RP1: variants seen among roughly 807,000 people sequenced by gnomAD.
The protein encoded by RP1 is RP1 axonemal microtubule associated.
Under a neutral mutation model 14.8 loss-of-function variants are expected in RP1, and 16 were observed. That is an observed-to-expected ratio of 1.08 (90% CI 0.73 to 1.65). The LOEUF (loss-of-function observed/expected upper bound fraction) is 1.65, where lower values mean the gene tolerates loss of function less well. Ranked by LOEUF, RP1 falls within the 40% of genes most tolerant of loss-of-function variation. The pLI is 0.00. For missense variants in RP1, 2,631 were observed against 2,535.0 expected, an observed-to-expected ratio of 1.04 and a Z score of -0.81; for synonymous variants, 876 against 883.6, an observed-to-expected ratio of 0.99 and a Z score of 0.15.
intron 1 of RP1, among the ~76,000 whole-genome samples, chr8:54,587,087 C>G (rs1804947158): frequency 1.3e-5 from 2 of 152,216 alleles, no homozygotes; most frequent in South Asian, 4.1e-4. Flanking sequence ...CTGCGTTGCT[C>G]ATGCTGGGAG....
intron 3 of RP1, among the ~76,000 whole-genome samples, chr8:54,637,875 G>A (rs1425237671): frequency 6.6e-6 from 1 of 152,158 alleles, no homozygotes; most frequent in Non-Finnish European, 1.5e-5. Flanking sequence ...GACTCTGTCA[G>A]CATAAAAGTG....
chr8:54,830,887 C>A lies in RP1; in HGVS notation c.3616-6563C>A, dbSNP rs148548546. On this transcript the variant is annotated intron_variant, in intron 24 of 28. Coordinates refer to the RP1 transcript ENST00000637698. ...ATTCTCCCCTCCCTTTCAGAGCTGG[C>A]AACCAGTAATCTGTTTTCTGCCTCT... Among the ~76,000 whole-genome samples, 469 of 152,194 alleles carry A rather than the reference C, an allele frequency of 3.1e-3. 1 individual carries two copies. Among genetic ancestry groups the A allele is most frequent in the African/African-American group, 0.011 (438 of 41,542 alleles).
At position 54,869,823 on chromosome 8, in the gene RP1, T is replaced by C. The variant is rs565128572; in HGVS notation, c.4152-20T>C. On this transcript the variant is annotated intron_variant, in intron 28 of 28. Transcript: ENST00000637698. Reference sequence around the variant, plus strand: ...TCAATGCTCTCTCATATTAATTATCTTCTTTTTTTTGCATGGCAGATGGCT... The same window carrying C: ...TCAATGCTCTCTCATATTAATTATCCTCTTTTTTTTGCATGGCAGATGGCT... 23 of 1,109,220 alleles carry C rather than the reference T, an allele frequency of 2.1e-5. No homozygotes were observed. In the East Asian group the frequency reaches 6.1e-4, roughly 29 times the overall value. 68.7% of individuals were successfully genotyped at this position (1,109,220 alleles called of 1,614,324 possible). A position where few individuals can be genotyped will look rare whatever the true frequency, so the allele number is the denominator to read the frequency against.
In RP1 at chr8:54,630,100, A is replaced by G. The variant is rs1432883874; in HGVS notation, c.6218A>G (p.Asn2073Ser). The change falls in exon 4 of 4, where the codon AAT (asparagine) becomes AGT (serine). Residue 2073 changes from asparagine (N) to serine (S), a missense_variant. Physicochemically the swap from Asn to Ser is conservative, Grantham distance 46 (BLOSUM62 1). Coordinates refer to ENST00000220676, the MANE Select transcript of RP1 (RefSeq NM_006269.2). ...GTCGATGAGAATAACAACTTATTAA[A>G]TAACAGATTCCAGGGCTCAAGAACA... is the stretch of plus-strand genomic sequence containing the variant. The part of the protein sequence containing the change: ...KAVDENNNLL[N>S]NRFQGSRTNL... 2 of 1,613,862 alleles carry G rather than the reference A, an allele frequency of 1.2e-6. No homozygotes were observed. Among genetic ancestry groups the G allele is most frequent in the African/African-American group, 1.3e-5 (1 of 74,942 alleles).
intron 25 of RP1, among the ~76,000 whole-genome samples, chr8:54,841,667 G>A (rs774664907): frequency 1.3e-5 from 2 of 152,116 alleles, no homozygotes; most frequent in Non-Finnish European, 2.9e-5. Flanking sequence ...TTCACCATCC[G>A]CGGTGTTGGT....
intron 24 of RP1, among the ~76,000 whole-genome samples, chr8:54,798,138 T>C (rs759808655): frequency 1.5e-4 from 23 of 152,026 alleles, no homozygotes; most frequent in Non-Finnish European, 3.1e-4. Context: ...CTCAGCCTCC[T>C]GAGTAGCTGG....
chr8:54,627,441 G>T lies in RP1; in HGVS notation c.3559G>T (p.Val1187Leu). Reference protein sequence around the residue: ...DDLKAAVANLVESTTSHFGLS... With the variant: ...DDLKAAVANLLESTTSHFGLS... ...CTTGAAAGCTGCTGTTGCCAATTTA[G>T]TGGAGTCAACTACAAGCCACTTTGG... The change falls in exon 4 of 4, where the codon GTG becomes TTG. Residue 1187 changes from valine to leucine, a missense_variant. Physicochemically the swap from Val to Leu is conservative, Grantham distance 32. Coordinates refer to ENST00000220676, the MANE Select transcript of RP1 (RefSeq NM_006269.2). 6.2e-7 allele frequency: 1 copy of T among 1,614,154 alleles called. No homozygotes were observed. Among genetic ancestry groups the T allele is most frequent in the Non-Finnish European group, 8.5e-7 (1 of 1,179,992 alleles).
upstream of RP1, among the ~76,000 whole-genome samples, chr8:54,611,577 T>C (rs1159457618): frequency 6.6e-6 from 1 of 152,162 alleles, no homozygotes; most frequent in Non-Finnish European, 1.5e-5. Flanking sequence ...AATATTCTTA[T>C]TTTGTTCATA....
Position 54,629,598 on chromosome 8 carries a change from T to C in RP1, c.5716T>C (p.Ser1906Pro). ...MIHGTLQEADSLDKLYALCGQ... is the reference protein window; with the variant it reads ...MIHGTLQEADPLDKLYALCGQ... Reference sequence around the variant, plus strand: ...TCATGGTACACTTCAGGAAGCTGACTCTTTGGATAAACTGTATGCTCTTTG... The same window carrying C: ...TCATGGTACACTTCAGGAAGCTGACCCTTTGGATAAACTGTATGCTCTTTG... Residue 1906 changes from serine to proline, a missense_variant, in exon 4 of 4, where the codon TCT becomes CCT. Transcript: ENST00000220676. The C allele has an allele frequency of 1.9e-6, 3 of 1,614,022 alleles. No homozygotes were observed. Among genetic ancestry groups the C allele is most frequent in the Non-Finnish European group, 2.5e-6 (3 of 1,180,010 alleles).
chr8:54,733,346 A>G (rs1206088871), intron 17 of RP1, among the ~76,000 whole-genome samples: 1 of 152,196 alleles, frequency 6.6e-6, no homozygotes, highest in African/African-American at 2.4e-5. Flanking sequence ...ATAGGAGCTT[A>G]AAAACAATTA....
upstream of RP1, among the ~76,000 whole-genome samples, chr8:54,614,355 C>G (rs1194433677): frequency 6.6e-6 from 1 of 152,178 alleles, no homozygotes; most frequent in Non-Finnish European, 1.5e-5. Context: ...CTAATATGAA[C>G]TCTGCCAATG....
chr8:54,755,897 T>C, intron 21 of RP1: 1 of 904,744 alleles, frequency 1.1e-6, no homozygotes, highest in Non-Finnish European at 1.5e-6. Context: ...TAACACATTT[T>C]CCTGACCTGA....
At chr8:54,605,849 C>T (rs942261502) in intron 1 of RP1, among the ~76,000 whole-genome samples, 8 of 152,060 alleles carry the variant, frequency 5.3e-5, no homozygotes, top group Non-Finnish European at 1.0e-4. Flanking sequence ...TTATCCGAGA[C>T]TAGGATTGCA....
chr8:54,625,554 T>C lies in RP1; in HGVS notation c.1672T>C (p.Leu558=). 1 of 1,614,070 alleles carries C rather than the reference T, an allele frequency of 6.2e-7. No homozygotes were observed. The highest frequency in any genetic ancestry group is 8.5e-7 in the Non-Finnish European group (1 of 1,180,002). Residue 558 remains leucine, a synonymous_variant, in exon 4 of 4, where the codon TTA becomes CTA. Coordinates refer to ENST00000220676, the MANE Select transcript of RP1 (RefSeq NM_006269.2). ...TATAGAAATTACAAGTCAGAAGATG[T>C]TAGAGATGTCACATAATAATGGTTT... The part of the protein sequence containing the change: ...GVIEITSQKM[L]EMSHNNGLPS...
intron 8 of RP1, among the ~76,000 whole-genome samples, chr8:54,677,889 A>T (rs867269174): frequency 6.6e-6 from 1 of 152,208 alleles, no homozygotes; most frequent in East Asian, 1.9e-4. Flanking sequence ...TTTTATGTGT[A>T]AGTAAAATTG....
chr8:54,576,232 G>A (rs1309575754), intron 1 of RP1, among the ~76,000 whole-genome samples: 1 of 151,968 alleles, frequency 6.6e-6, no homozygotes, highest in African/African-American at 2.4e-5. Context: ...TTTTAGTAGA[G>A]ACAGGGTTTC....
Position 54,621,108 on chromosome 8 carries a change from T to A in RP1, c.142T>A (p.Phe48Ile), listed in dbSNP as rs2129314120. ...ISFYKSGDPQ[F>I]GGVRVVVNPR... is the part of the protein sequence containing the mutation. ...TTTCTACAAGAGCGGAGACCCCCAA[T>A]TCGGCGGGGTCAGGGTGGTGGTCAA... The change falls in exon 2 of 4, where the codon TTC (phenylalanine) becomes ATC (isoleucine). Residue 48 changes from phenylalanine to isoleucine, a missense_variant. Transcript: ENST00000220676. 1 of 1,614,124 alleles carries A rather than the reference T, an allele frequency of 6.2e-7. No individual in the cohort carries two copies. The highest frequency in any genetic ancestry group is 1.1e-5 in the South Asian group (1 of 91,078).
At chr8:54,826,617 T>A (rs1811390517) in intron 24 of RP1, among the ~76,000 whole-genome samples, 1 of 152,168 alleles carries the variant, frequency 6.6e-6, no homozygotes, top group Admixed American at 6.5e-5. Context: ...CATCAAATAA[T>A]CCAATCATAA....
intron 12 of RP1, chr8:54,696,773 C>T: frequency 1.4e-6 from 1 of 728,566 alleles, no homozygotes; most frequent in African/African-American, 1.7e-5. Flanking sequence ...AGTCACCCCC[C>T]AGAACCTAAA....
Sources: gnomAD v4.1 joint callset for allele counts (sites outside exome capture counted in the v4.1 genomes callset) on GRCh38, gnomAD v4.1.1 for gene constraint, MANE v1.5 for transcripts, NCBI Gene and HGNC (gene_info 2026-07-23, HGNC 2026-07-21) for gene names.